BCAR3: variants seen among roughly 807,000 people sequenced by gnomAD.
BCAR3 encodes the protein BCAR3 adaptor protein, NSP family member, also known as breast cancer anti-estrogen resistance protein 3.
In BCAR3, 37 loss-of-function variants were observed where a neutral mutation model predicts 80.1. The observed-to-expected ratio is 0.46, with a 90% CI of 0.36 to 0.61. The LOEUF is 0.61. Among genes scored for constraint, BCAR3 ranks in the 20% least tolerant of loss-of-function variants. The probability of loss-of-function intolerance (pLI) is 0.00; values close to 1 mark genes in which losing one functional copy is unlikely to be tolerated. For synonymous variants in BCAR3, 389 were observed against 418.9 expected, an observed-to-expected ratio of 0.93 and a Z score of 0.87; for missense variants, 978 against 1,068.2, an observed-to-expected ratio of 0.92 and a Z score of 1.18.
intron 11 of BCAR3, among the ~76,000 whole-genome samples, chr1:93,566,487 C>T (rs191622256): frequency 6.6e-5 from 10 of 152,172 alleles, no homozygotes; most frequent in Admixed American, 3.3e-4. Flanking sequence ...TGATAAATGC[C>T]GGCCGTGCTG....
chr1:93,730,217 G>A (rs191524849), intron 2 of BCAR3, among the ~76,000 whole-genome samples: 85 of 151,806 alleles, frequency 5.6e-4, no homozygotes, highest in African/African-American at 1.7e-3. Context: ...TCCCTCCCCC[G>A]CCAACACCTG....
chr1:93,716,334 G>A (rs917833873), intron 2 of BCAR3, among the ~76,000 whole-genome samples: 6 of 152,188 alleles, frequency 3.9e-5, no homozygotes, highest in African/African-American at 1.4e-4. Context: ...TACAGTTGAT[G>A]TCACAGCACT....
At chr1:93,614,309 C>T (rs573960654) in intron 3 of BCAR3, among the ~76,000 whole-genome samples, 10 of 152,276 alleles carry the variant, frequency 6.6e-5, no homozygotes, top group South Asian at 6.2e-4. Flanking sequence ...CCCTCTCCCC[C>T]GACCCAGAAT....
In BCAR3 at chr1:93,582,657, C is replaced by T. The variant is rs767507738; in HGVS notation, c.1330G>A (p.Ala444Thr). 6.2e-7 allele frequency: 1 copy of T among 1,614,082 alleles called. No individual in the cohort carries two copies. Among genetic ancestry groups the T allele is most frequent in the South Asian group, 1.1e-5 (1 of 91,080 alleles). Residue 444 changes from alanine (A) to threonine (T), a missense_variant, in exon 7 of 12, where the codon GCA becomes ACA. Ala to Thr is a moderately conservative substitution (Grantham distance 58, BLOSUM62 0). Transcript: ENST00000260502. ...PAFATGCGRG[A>T]KLPSCAQGSH... ...CCCTGGGCACATGAGGGTAGCTTTG[C>T]TCCCCTGCCGCAGCCTGTGGCAAAC... is the stretch of plus-strand genomic sequence containing the variant.
intron 2 of BCAR3, among the ~76,000 whole-genome samples, chr1:93,644,597 G>A (rs1481860034): frequency 1.3e-5 from 2 of 152,226 alleles, no homozygotes; most frequent in Admixed American, 1.3e-4. Flanking sequence ...TGAGGGCTGT[G>A]TCACAGGCCA....
At chr1:93,628,245 C>T (rs1286851479) in intron 3 of BCAR3, among the ~76,000 whole-genome samples, 2 of 152,102 alleles carry the variant, frequency 1.3e-5, no homozygotes, top group African/African-American at 4.8e-5. Context: ...CGTTACATTC[C>T]TAGAACCCCC....
chr1:93,747,733 C>T (rs996114489), intron 2 of BCAR3, among the ~76,000 whole-genome samples: 2 of 151,676 alleles, frequency 1.3e-5, no homozygotes, highest in Non-Finnish European at 2.9e-5. Context: ...TCTTTCAGCA[C>T]CTCTCTATTG....
chr1:93,836,349 C>T (rs960634814), intron 2 of BCAR3, among the ~76,000 whole-genome samples: 2 of 152,158 alleles, frequency 1.3e-5, no homozygotes, highest in Non-Finnish European at 2.9e-5. Flanking sequence ...GTCCTGGGTC[C>T]TCCCAATTCT....
intron 2 of BCAR3, among the ~76,000 whole-genome samples, chr1:93,768,871 C>T (rs1652251940): frequency 6.6e-6 from 1 of 152,198 alleles, no homozygotes; most frequent in South Asian, 2.1e-4. Context: ...CCCCAGCAAG[C>T]ACTGATTCTG....
chr1:93,614,935 A>G (rs920217259), intron 3 of BCAR3, among the ~76,000 whole-genome samples: 16 of 151,724 alleles, frequency 1.1e-4, no homozygotes, highest in Admixed American at 9.8e-4. Context: ...ACCAAGAGCC[A>G]CATAACACCT....
chr1:93,763,269 G>A (rs765188413), intron 2 of BCAR3, among the ~76,000 whole-genome samples: 1 of 152,108 alleles, frequency 6.6e-6, no homozygotes, highest in Non-Finnish European at 1.5e-5. Context: ...TCACCATGTT[G>A]CCCAGGCTGG....
intron 2 of BCAR3, among the ~76,000 whole-genome samples, chr1:93,769,355 ATGTGTGTGTGTGTGTGTGTGTGTGTGTG>A (rs59798936): frequency 2.5e-5 from 3 of 119,840 alleles, no homozygotes; most frequent in Admixed American, 8.4e-5. Flanking sequence ...GTGGGTAGGA[ATGTGTGTGTGTGTGTGTGTGTGTGTGTG>A]TGTGTGTGTG....
At chr1:93,771,610 G>A (rs189179121) in intron 2 of BCAR3, among the ~76,000 whole-genome samples, 1 of 152,342 alleles carries the variant, frequency 6.6e-6, no homozygotes, top group Non-Finnish European at 1.5e-5. Context: ...TAAGTCATAA[G>A]TTAGAATGTC....
intron 2 of BCAR3, among the ~76,000 whole-genome samples, chr1:93,713,727 A>G (rs1463313620): frequency 1.3e-5 from 2 of 151,802 alleles, no homozygotes; most frequent in Non-Finnish European, 2.9e-5. Flanking sequence ...TTTTTTTTCT[A>G]TTAAACCATG....
At chr1:93,738,438 C>T (rs1010420383) in intron 2 of BCAR3, among the ~76,000 whole-genome samples, 11 of 152,234 alleles carry the variant, frequency 7.2e-5, no homozygotes, top group East Asian at 1.9e-4. Context: ...CCCTGCAGGC[C>T]GGTGATGGAG....
At chr1:93,583,097 T>TACGGC in intron 6 of BCAR3, 144 bp from the exon 7 acceptor site, 1 of 1,031,194 alleles carries the variant, frequency 9.7e-7, no homozygotes, top group Non-Finnish European at 1.4e-6. Context: ...AAATTCAGTG[T>TACGGC]GACTGTCCCA....
At chr1:93,720,062 A>T (rs1302057294) in intron 2 of BCAR3, 1 of 152,162 alleles carries the variant, frequency 6.6e-6, no homozygotes, top group South Asian at 2.1e-4. Context: ...GGTCTTTCTT[A>T]TAAAAATCCT....
Position 93,567,396 on chromosome 1 carries a change from C to G in BCAR3, c.2182G>C (p.Asp728His). The G allele has an allele frequency of 6.2e-7, 1 of 1,614,008 alleles. No homozygotes were observed. The highest frequency in any genetic ancestry group is 8.5e-7 in the Non-Finnish European group (1 of 1,179,988). Residue 728 changes from aspartate to histidine, a missense_variant, in exon 11 of 12, where the codon GAC becomes CAC. Transcript: ENST00000260502. ...ERQAVTFEGT[D>H]MWEKNDQSCE... Reference sequence around the variant, plus strand: ...CTCTGGTCGTTTTTTTCCCACATGTCGGTTCCTTCAAAAGTCACAGCCTGG... The same window carrying G: ...CTCTGGTCGTTTTTTTCCCACATGTGGGTTCCTTCAAAAGTCACAGCCTGG...
intron 3 of BCAR3, among the ~76,000 whole-genome samples, chr1:93,640,071 G>C (rs113513374): frequency 2.6e-5 from 4 of 152,022 alleles, no homozygotes; most frequent in African/African-American, 9.7e-5. Flanking sequence ...GTGCACAAGC[G>C]GATTGTAGAT....
Sources: gnomAD v4.1 joint callset for allele counts (sites outside exome capture counted in the v4.1 genomes callset) on GRCh38, gnomAD v4.1.1 for gene constraint, MANE v1.5 for transcripts, NCBI Gene and HGNC (gene_info 2026-07-23, HGNC 2026-07-21) for gene names.